GABRP: variants seen among roughly 807,000 people sequenced by gnomAD.
GABRP encodes the protein gamma-aminobutyric acid type A receptor subunit pi, also known as gamma-aminobutyric acid receptor subunit pi.
GABRP carries 52 observed loss-of-function variants against 47.8 expected under a neutral mutation model. The observed-to-expected ratio is 1.09, with a 90% CI of 0.87 to 1.37. GABRP has a LOEUF of 1.37. Among genes scored for constraint, GABRP ranks in the 40% most tolerant of loss-of-function variants. The pLI is 0.00. For synonymous variants in GABRP, 221 were observed against 205.8 expected, an observed-to-expected ratio of 1.07 and a Z score of -0.63; for missense variants, 525 against 542.8, an observed-to-expected ratio of 0.97 and a Z score of 0.33.
Position 170,797,485 on chromosome 5 carries a change from T to G in GABRP, c.478T>G (p.Cys160Gly), listed in dbSNP as rs749492184. 20 of 1,611,802 alleles carry G rather than the reference T, an allele frequency of 1.2e-5. No individual in the cohort carries two copies. The highest frequency in any genetic ancestry group is 8.3e-5 in the Admixed American group (5 of 60,006). Residue 160 changes from cysteine (C) to glycine (G), a missense_variant, in exon 6 of 10, where the codon TGT (cysteine) becomes GGT (glycine). Physicochemically the swap from Cys to Gly is radical, Grantham distance 159. Transcript: ENST00000265294. ...YALRITTTVACNMDLSKYPMD... is the reference protein window; with the variant it reads ...YALRITTTVAGNMDLSKYPMD... ...TCTTAGAATCACGACAACTGTTGCATGTAACATGGATCTGTCTAAATACCC... is the reference window on the plus strand; with the variant it reads ...TCTTAGAATCACGACAACTGTTGCAGGTAACATGGATCTGTCTAAATACCC...
intron 1 of GABRP, among the ~76,000 whole-genome samples, chr5:170,785,720 C>T (rs763203527): frequency 3.9e-5 from 6 of 152,142 alleles, no homozygotes; most frequent in Admixed American, 1.3e-4. Flanking sequence ...ATCACTTGAT[C>T]GAGGGCCATT....
intron 6 of GABRP, among the ~76,000 whole-genome samples, chr5:170,801,757 T>G (rs752710033): frequency 7.9e-5 from 12 of 151,962 alleles, no homozygotes; most frequent in Non-Finnish European, 1.3e-4. Context: ...AATACACAGA[T>G]AAAAGTAATG....
At chr5:170,790,740 T>C (rs776480639) in intron 3 of GABRP, among the ~76,000 whole-genome samples, 2 of 151,048 alleles carry the variant, frequency 1.3e-5, no homozygotes, top group Non-Finnish European at 3.0e-5. Context: ...TTCAGAGGAG[T>C]CTCCCATCTC....
chr5:170,792,352 G>A (rs1279299007), intron 3 of GABRP, among the ~76,000 whole-genome samples: 1 of 151,668 alleles, frequency 6.6e-6, no homozygotes, highest in Non-Finnish European at 1.5e-5. Flanking sequence ...CGAAGCAGGA[G>A]AATCACTTGA....
rs769073805 is a variant in GABRP, at chr5:170,805,806, C to A, written c.632C>A (p.Thr211Asn). Reference sequence around the variant, plus strand: ...GAACACCTGCGGCTTGCTCAGTACACCATAGAGCGGTATTTCACCTTAGTC... The same window carrying A: ...GAACACCTGCGGCTTGCTCAGTACAACATAGAGCGGTATTTCACCTTAGTC... The part of the protein sequence containing the change: ...GLEHLRLAQY[T>N]IERYFTLVTR... Residue 211 changes from threonine (T) to asparagine (N), a missense_variant, in exon 7 of 10, where the codon ACC becomes AAC. Coordinates refer to ENST00000265294, the MANE Select transcript of GABRP (RefSeq NM_014211.3). 1 of 1,614,160 alleles carries A rather than the reference C, an allele frequency of 6.2e-7. No individual in the cohort carries two copies.
At chr5:170,809,916 G>A (rs1465441396) in intron 9 of GABRP, 161 bp downstream of exon 9, 2 of 727,988 alleles carry the variant, frequency 2.7e-6, no homozygotes, top group South Asian at 1.5e-5. Context: ...GGAAGTCATG[G>A]TGCCCCTTGA....
At chr5:170,809,839 C>G in intron 9 of GABRP, 84 bp downstream of exon 9, 1 of 1,251,476 alleles carries the variant, frequency 8.0e-7, no homozygotes, top group Non-Finnish European at 1.1e-6. Context: ...TGGCTTCTAT[C>G]CCCACCCCAC....
At position 170,795,221 on chromosome 5, in the gene GABRP, C is replaced by T; in HGVS notation, c.254C>T (p.Thr85Ile). 6.2e-7 allele frequency: 1 copy of T among 1,613,310 alleles called. No homozygotes were observed. The highest frequency in any genetic ancestry group is 2.2e-5 in the East Asian group (1 of 44,752). The change falls in exon 5 of 10, where the codon ACC (threonine) becomes ATC (isoleucine). Residue 85 changes from threonine (T) to isoleucine (I), a missense_variant. Thr to Ile is a moderately conservative substitution (Grantham distance 89, BLOSUM62 -1). Coordinates refer to ENST00000265294, the MANE Select transcript of GABRP (RefSeq NM_014211.3). ...ISESNMDYTA[T>I]IYLRQRWMDQ... ...TCCCCCTCCCAGGACTACACAGCCA[C>T]CATATACCTCCGACAGCGCTGGATG...
At chr5:170,801,244 T>C (rs1433184388) in intron 6 of GABRP, among the ~76,000 whole-genome samples, 1 of 152,192 alleles carries the variant, frequency 6.6e-6, no homozygotes, top group African/African-American at 2.4e-5. Context: ...GAGAGTCACA[T>C]AGGGAGTTTG....
chr5:170,803,971 T>G (rs1219967426), intron 6 of GABRP, among the ~76,000 whole-genome samples: 1 of 152,142 alleles, frequency 6.6e-6, no homozygotes, highest in Non-Finnish European at 1.5e-5. Flanking sequence ...TTTCACCATG[T>G]TGGCCAGGCT....
chr5:170,796,081 C>T (rs1765419456), intron 5 of GABRP, among the ~76,000 whole-genome samples: 2 of 152,204 alleles, frequency 1.3e-5, no homozygotes, highest in Non-Finnish European at 2.9e-5. Flanking sequence ...CCTGCCTGTG[C>T]AAGGACTGTG....
chr5:170,811,348 C>A (rs1765878567), intron 9 of GABRP, among the ~76,000 whole-genome samples: 1 of 151,586 alleles, frequency 6.6e-6, no homozygotes, highest in African/African-American at 2.4e-5. Flanking sequence ...GGAGTTGACC[C>A]CAGCCATGTT....
intron 4 of GABRP, 36 bp from the exon 5 acceptor site, chr5:170,795,172 C>T (rs1159127525): frequency 1.4e-6 from 2 of 1,480,548 alleles, no homozygotes; most frequent in South Asian, 2.3e-5. Context: ...CACCCACTAC[C>T]CCCATCCATT....
upstream of GABRP, chr5:170,783,550 C>A (rs946010364): frequency 6.6e-6 from 1 of 151,450 alleles, no homozygotes; most frequent in Non-Finnish European, 1.5e-5. Context: ...CAGAATCAAA[C>A]CCCTGGAGGC....
chr5:170,808,799 A>G (rs953883115), intron 8 of GABRP, 47 bp downstream of exon 8: 7 of 1,572,310 alleles, frequency 4.5e-6, no homozygotes, highest in Non-Finnish European at 6.1e-6. Flanking sequence ...TTATCAGGTT[A>G]CTTACTTTTT....
chr5:170,793,344 G>C (rs575483973), intron 3 of GABRP, among the ~76,000 whole-genome samples: 1 of 152,278 alleles, frequency 6.6e-6, no homozygotes, highest in South Asian at 2.1e-4. Flanking sequence ...AAACTTCCCT[G>C]ACCTGGCCTG....
At chr5:170,795,616 C>A (rs1483553801) in intron 5 of GABRP, among the ~76,000 whole-genome samples, 191 bp downstream of exon 5, 8 of 152,160 alleles carry the variant, frequency 5.3e-5, no homozygotes, top group Non-Finnish European at 1.2e-4. Flanking sequence ...CTGTGCCAAG[C>A]CCCATGCTGG....
In GABRP at chr5:170,797,479, G is replaced by A; in HGVS notation, c.472G>A (p.Val158Ile). 6.2e-7 allele frequency: 1 copy of A among 1,610,248 alleles called. No individual in the cohort carries two copies. The highest frequency in any genetic ancestry group is 8.5e-7 in the Non-Finnish European group (1 of 1,176,498). ...VLYALRITTT[V>I]ACNMDLSKYP... ...TTTCCCTCTTAGAATCACGACAACT[G>A]TTGCATGTAACATGGATCTGTCTAA... Residue 158 changes from valine (V) to isoleucine (I), a missense_variant, in exon 6 of 10, where the codon GTT becomes ATT. By Grantham distance (29) the Val-to-Ile change is conservative (BLOSUM62 3). Transcript: ENST00000265294.
intron 6 of GABRP, 78 bp downstream of exon 6, chr5:170,797,626 T>A: frequency 2.4e-6 from 2 of 839,114 alleles, no homozygotes; most frequent in Non-Finnish European, 4.1e-6. Context: ...AAGTATCTCA[T>A]ACACAGTGAC....
Sources: gnomAD v4.1 joint callset for allele counts (sites outside exome capture counted in the v4.1 genomes callset) on GRCh38, gnomAD v4.1.1 for gene constraint, MANE v1.5 for transcripts, NCBI Gene and HGNC (gene_info 2026-07-23, HGNC 2026-07-21) for gene names.